FLNB: variants seen among roughly 807,000 people sequenced by gnomAD.
The protein encoded by FLNB is filamin-B.
FLNB carries 111 observed loss-of-function variants against 250.6 expected under a neutral mutation model. The ratio of observed to expected loss-of-function variants is 0.44; its 90% CI spans 0.38 to 0.52. The LOEUF (loss-of-function observed/expected upper bound fraction) is 0.52. FLNB is among the 20% of genes least tolerant of loss of function. The pLI is 0.00. For synonymous variants in FLNB, 1,302 were observed against 1,372.1 expected (o/e 0.95, Z 1.13); for missense variants, 2,869 against 3,447.8 (o/e 0.83, Z 4.20).
chr3:58,033,050 G>A (rs540930501), intron 1 of FLNB, among the ~76,000 whole-genome samples: 1 of 152,288 alleles, frequency 6.6e-6, no homozygotes, highest in South Asian at 2.1e-4. Context: ...TCCAGCCTGG[G>A]CAAAAGAGTG....
At chr3:58,119,140 G>A (rs1053843112) in intron 19 of FLNB, 151 bp downstream of exon 19, 37 of 704,382 alleles carry the variant, frequency 5.3e-5, no homozygotes, top group Admixed American at 3.4e-4. Context: ...AATTAAGGCC[G>A]TGGTGTGAAG....
At chr3:58,040,912 C>G (rs910703253) in intron 1 of FLNB, among the ~76,000 whole-genome samples, 12 of 151,952 alleles carry the variant, frequency 7.9e-5, no homozygotes, top group Non-Finnish European at 1.8e-4. Flanking sequence ...TTTTTTGGAT[C>G]ATAGAATGGA....
At chr3:58,017,161 G>A (rs73092314) in intron 1 of FLNB, among the ~76,000 whole-genome samples, 299 of 152,356 alleles carry the variant, frequency 2.0e-3, no homozygotes, top group Non-Finnish European at 3.2e-3. Context: ...GAACCAGCAG[G>A]TGAGAGTAGG....
intron 4 of FLNB, among the ~76,000 whole-genome samples, chr3:58,089,860 T>C (rs2097223387): frequency 6.6e-6 from 1 of 152,072 alleles, no homozygotes; most frequent in Non-Finnish European, 1.5e-5. Flanking sequence ...GATCTTGGCT[T>C]ACTGCAACCT....
At chr3:58,132,068 G>A (rs2097308398) in intron 25 of FLNB, 2 of 1,277,738 alleles carry the variant, frequency 1.6e-6, no homozygotes, top group African/African-American at 2.9e-5. Context: ...AATGCTTCTT[G>A]CTGGCCTCAC....
chr3:58,096,001 G>A, intron 5 of FLNB, 140 bp from the exon 6 acceptor site: 1 of 703,736 alleles, frequency 1.4e-6, no homozygotes, highest in Non-Finnish European at 2.6e-6. Flanking sequence ...CTCTCTAGGG[G>A]CGTTGTGCAA....
chr3:58,159,649 A>G lies in FLNB; in HGVS notation c.6984A>G (p.Gly2328=). 2 of 1,613,994 alleles carry G rather than the reference A, an allele frequency of 1.2e-6. No individual in the cohort carries two copies. The highest frequency in any genetic ancestry group is 1.7e-6 in the Non-Finnish European group (2 of 1,180,016). ...ATGCAAAGGTGCACAGCCCCTCTGG[A>G]GCCGTGGAGGAGTGCCACGTGTCTG... The part of the protein sequence containing the change: ...KIDAKVHSPS[G]AVEECHVSEL... The change falls in exon 42 of 46, where the codon GGA becomes GGG. Residue 2328 remains glycine (G), a synonymous_variant. Transcript: ENST00000295956.
chr3:58,085,014 C>A (rs1462145315), intron 4 of FLNB, among the ~76,000 whole-genome samples: 1 of 152,060 alleles, frequency 6.6e-6, no homozygotes, highest in African/African-American at 2.4e-5. Flanking sequence ...AATTTCATTC[C>A]TTTTTAAGGC....
intron 41 of FLNB, 31 bp downstream of exon 41, chr3:58,156,106 G>T (rs201917531): frequency 3.9e-5 from 60 of 1,552,714 alleles, no homozygotes; most frequent in Non-Finnish European, 5.1e-5. Context: ...CATCTCCTTG[G>T]CCGCAGGCCA....
At chr3:58,067,013 T>TA (rs1379336121) in intron 1 of FLNB, among the ~76,000 whole-genome samples, 1 of 152,176 alleles carries the variant, frequency 6.6e-6, no homozygotes, top group Admixed American at 6.5e-5. Flanking sequence ...AGGAATGTGT[T>TA]ATGGGCCTAT....
chr3:58,144,222 A>T (rs754556970), intron 32 of FLNB, among the ~76,000 whole-genome samples: 5 of 152,232 alleles, frequency 3.3e-5, no homozygotes, highest in Middle Eastern at 3.4e-3. Context: ...ACTATCATAA[A>T]TTTTTTTATG....
At chr3:58,079,053 CTCT>C (rs1463948182) in intron 3 of FLNB, among the ~76,000 whole-genome samples, 4 of 152,156 alleles carry the variant, frequency 2.6e-5, no homozygotes, top group Non-Finnish European at 5.9e-5. Flanking sequence ...TTTCATGTCA[CTCT>C]TCTTTGTCAC....
chr3:58,127,929 C>T (rs1014374674), intron 24 of FLNB, among the ~76,000 whole-genome samples: 2 of 152,054 alleles, frequency 1.3e-5, no homozygotes, highest in Admixed American at 1.3e-4. Flanking sequence ...AATTCTGAGA[C>T]CACCTCCCCC....
At chr3:58,058,486 G>T (rs114812825) in intron 1 of FLNB, among the ~76,000 whole-genome samples, 1 of 152,088 alleles carries the variant, frequency 6.6e-6, no homozygotes, top group Non-Finnish European at 1.5e-5. Context: ...GCTGGTTTTC[G>T]CCCAAATTCC....
At chr3:58,082,256 G>C in intron 4 of FLNB, among the ~76,000 whole-genome samples, 1 of 152,118 alleles carries the variant, frequency 6.6e-6, no homozygotes, top group East Asian at 1.9e-4. Context: ...AGGCAGCTGC[G>C]GAACACCGTT....
At chr3:58,163,509 C>T (rs923440831) in intron 43 of FLNB, 179 bp downstream of exon 43, 7 of 626,884 alleles carry the variant, frequency 1.1e-5, no homozygotes, top group East Asian at 8.3e-5. Flanking sequence ...GTTTGACCCA[C>T]GATAAATCCA....
chr3:58,089,975 C>T lies in FLNB; in HGVS notation c.788-4861C>T, dbSNP rs572890328. Among the ~76,000 whole-genome samples, 88 of 152,104 alleles carry T rather than the reference C, an allele frequency of 5.8e-4. 1 individual carries two copies. The highest frequency in any genetic ancestry group is 5.3e-3 in the Admixed American group (81 of 15,258). ...CTAATTTTTTTATTTTTAGTAGAGA[C>T]GTAGTTTCACCCTGTTGGCCTGGCT... On this transcript the variant is annotated intron_variant, in intron 4 of 45. Transcript: ENST00000295956.
Position 58,034,017 on chromosome 3 carries a change from C to T in FLNB, c.292+25161C>T, listed in dbSNP as rs543709673. ...CTGGGATTACAGGCATTTGCCACCACACCTGGCTAATTTTTGTATTTTTAG... is the reference window on the plus strand; with the variant it reads ...CTGGGATTACAGGCATTTGCCACCATACCTGGCTAATTTTTGTATTTTTAG... On this transcript the variant is annotated intron_variant, in intron 1 of 45. Transcript: ENST00000295956. 2.1e-4 allele frequency among the ~76,000 whole-genome samples: 32 copies of T among 151,902 alleles called. No homozygotes were observed. The South Asian group carries it at 6.3e-3, about 30-fold the overall frequency.
At chr3:58,088,964 G>A (rs193209098) in intron 4 of FLNB, among the ~76,000 whole-genome samples, 345 of 152,242 alleles carry the variant, frequency 2.3e-3, no homozygotes, top group Non-Finnish European at 3.7e-3. Flanking sequence ...TGAATGGAGA[G>A]CCTAGACTTC....
Sources: gnomAD v4.1 joint callset for allele counts (sites outside exome capture counted in the v4.1 genomes callset) on GRCh38, gnomAD v4.1.1 for gene constraint, MANE v1.5 for transcripts, NCBI Gene and HGNC (gene_info 2026-07-23, HGNC 2026-07-21) for gene names.